TMEM178B: variants seen among roughly 807,000 people sequenced by gnomAD.
The protein encoded by TMEM178B is transmembrane protein 178B.
In TMEM178B, 5 loss-of-function variants were observed where a neutral mutation model predicts 31.0. That is an observed-to-expected ratio of 0.16 (90% CI 0.08 to 0.34). The LOEUF is 0.34. Ranked by LOEUF, TMEM178B falls within the 10% of genes least tolerant of loss-of-function variation. The pLI is 1.00. For synonymous variants in TMEM178B, 164 were observed against 164.0 expected (o/e 1.00, Z 0.00); for missense variants, 275 against 400.3 (o/e 0.69, Z 2.67).
chr7:141,476,339 T>C lies in TMEM178B; in HGVS notation c.*5553T>C, dbSNP rs1366072929. 5.3e-5 allele frequency: 8 copies of C among 152,214 alleles called. No individual in the cohort carries two copies. Among genetic ancestry groups the C allele is most frequent in the African/African-American group, 1.9e-4 (8 of 41,456 alleles). The allele number at this position is 152,214 out of a possible 1,614,324, so 9.4% of individuals were successfully genotyped here. The stretch of plus-strand genomic sequence containing the variant: ...CAAAGGGCACTTTTATCCATCTCAG[T>C]TATTCCCAGAGGTGACAGAATGAGT... On this transcript the variant is annotated 3_prime_UTR_variant, in exon 4 of 4. Transcript: ENST00000565468.
chr7:141,261,425 C>A (rs1798010418), intron 2 of TMEM178B, among the ~76,000 whole-genome samples: 1 of 151,928 alleles, frequency 6.6e-6, no homozygotes, highest in Admixed American at 6.6e-5. Context: ...CCTTTGTCTG[C>A]AGGAAACGCT....
chr7:141,077,052 T>A (rs989508675), intron 1 of TMEM178B, among the ~76,000 whole-genome samples: 2 of 152,380 alleles, frequency 1.3e-5, no homozygotes, highest in African/African-American at 4.8e-5. Context: ...AATAAGTGCA[T>A]GTTATATTAG....
intron 2 of TMEM178B, among the ~76,000 whole-genome samples, chr7:141,391,919 C>T (rs1307139310): frequency 6.6e-6 from 1 of 152,198 alleles, no homozygotes; most frequent in South Asian, 2.1e-4. Context: ...TTTGTTTATC[C>T]ATTCATCCGT....
chr7:141,075,619 A>G (rs1794589017), intron 1 of TMEM178B, among the ~76,000 whole-genome samples: 1 of 152,222 alleles, frequency 6.6e-6, no homozygotes, highest in South Asian at 2.1e-4. Context: ...GTGTATTAAA[A>G]CTGCTCTGAA....
chr7:141,218,721 C>G (rs901533744), intron 2 of TMEM178B, among the ~76,000 whole-genome samples: 1 of 152,152 alleles, frequency 6.6e-6, no homozygotes, highest in Non-Finnish European at 1.5e-5. Context: ...GGGTCCTGCC[C>G]TTGAACCCCA....
rs1344797006 is a variant in TMEM178B at position 141,474,077 on chromosome 7, C to T, written c.*3291C>T. 4 of 152,162 alleles carry T rather than the reference C, an allele frequency of 2.6e-5. No individual in the cohort carries two copies. The highest frequency in any genetic ancestry group is 5.9e-5 in the Non-Finnish European group (4 of 68,046). 9.4% of individuals were successfully genotyped at this position (152,162 alleles called of 1,614,324 possible). ...AAAGTCACCAGCCGCAACCCCAGGT[C>T]AAGTTCAAACTTCTTACTGGCATAT... On this transcript the variant is annotated 3_prime_UTR_variant, in exon 4 of 4. Coordinates refer to ENST00000565468, the MANE Select transcript of TMEM178B (RefSeq NM_001195278.2).
chr7:141,112,434 T>G (rs1293251515), intron 1 of TMEM178B, among the ~76,000 whole-genome samples: 1 of 152,080 alleles, frequency 6.6e-6, no homozygotes, highest in Non-Finnish European at 1.5e-5. Flanking sequence ...TTGTATTTTT[T>G]GCAGAGATGG....
At chr7:141,200,418 G>A (rs887924479) in intron 1 of TMEM178B, among the ~76,000 whole-genome samples, 6 of 151,824 alleles carry the variant, frequency 4.0e-5, no homozygotes, top group South Asian at 2.1e-4. Context: ...TCCTGGTTGC[G>A]GGGGGAGACA....
At chr7:141,244,504 T>A (rs949042085) in intron 2 of TMEM178B, among the ~76,000 whole-genome samples, 1 of 152,202 alleles carries the variant, frequency 6.6e-6, no homozygotes, top group African/African-American at 2.4e-5. Flanking sequence ...AAGATACACA[T>A]GTGAGTAATT....
chr7:141,359,452 T>G (rs1372617264), intron 2 of TMEM178B, among the ~76,000 whole-genome samples: 2 of 152,244 alleles, frequency 1.3e-5, no homozygotes, highest in Non-Finnish European at 2.9e-5. Flanking sequence ...CAATCTCTCC[T>G]AATTGACCCA....
chr7:141,287,522 A>G (rs1466427899), intron 2 of TMEM178B, among the ~76,000 whole-genome samples: 2 of 152,066 alleles, frequency 1.3e-5, no homozygotes, highest in South Asian at 2.1e-4. Context: ...CAATTTATGA[A>G]CCCCAGTGGC....
At position 141,422,598 on chromosome 7, in the gene TMEM178B, CTCT is replaced by C. The variant is rs758830246; in HGVS notation, c.497-15009_497-15007del. Reference sequence around the variant, plus strand: ...GTTGCCAGAGGCAGCATGAAACAGCCTCTGGCCTCATTGTTTCAGGCCACAGCT... The same window carrying C: ...GTTGCCAGAGGCAGCATGAAACAGCCGGCCTCATTGTTTCAGGCCACAGCT... On this transcript the variant is annotated intron_variant, in intron 2 of 3. Transcript: ENST00000565468. The surrounding 1 kb of genome is among the most constrained non-coding windows in gnomAD (Gnocchi z 4.2). Among the ~76,000 whole-genome samples, 29,270 of 151,862 alleles carry C rather than the reference CTCT, an allele frequency of 0.19. 3,115 individuals are homozygous for C. Among genetic ancestry groups the C allele is most frequent in the South Asian group, 0.39 (1,889 of 4,816 alleles).
chr7:141,378,798 G>A (rs1800262931), intron 2 of TMEM178B, among the ~76,000 whole-genome samples: 1 of 152,192 alleles, frequency 6.6e-6, no homozygotes, highest in African/African-American at 2.4e-5. Flanking sequence ...GCAAGAAAAA[G>A]GAAAGGATGG....
intron 2 of TMEM178B, among the ~76,000 whole-genome samples, chr7:141,237,542 C>T (rs1797547006): frequency 6.6e-6 from 1 of 151,934 alleles, no homozygotes; most frequent in Admixed American, 6.6e-5. Context: ...ATAATATATA[C>T]ACATATACAT....
intron 1 of TMEM178B, among the ~76,000 whole-genome samples, chr7:141,195,542 CA>C (rs1174572585): frequency 1.3e-5 from 2 of 152,202 alleles, no homozygotes; most frequent in Non-Finnish European, 1.5e-5. Context: ...GCATTTTGGG[CA>C]AAGCCATTCA....
At chr7:141,229,757 T>C (rs1563125233) in intron 2 of TMEM178B, among the ~76,000 whole-genome samples, 1 of 151,700 alleles carries the variant, frequency 6.6e-6, no homozygotes, top group Non-Finnish European at 1.5e-5. Flanking sequence ...ACCCTGTCTC[T>C]ACGAAAAATT....
At chr7:141,349,183 T>C (rs566429020) in intron 2 of TMEM178B, among the ~76,000 whole-genome samples, 1 of 152,360 alleles carries the variant, frequency 6.6e-6, no homozygotes, top group South Asian at 2.1e-4. Context: ...TTTAAAGTAT[T>C]CTATTTCTGA....
intron 2 of TMEM178B, among the ~76,000 whole-genome samples, chr7:141,328,293 C>G (rs1455279885): frequency 1.3e-5 from 2 of 152,160 alleles, no homozygotes; most frequent in Non-Finnish European, 2.9e-5. Flanking sequence ...CTATCCAATA[C>G]CTTTTTTAAT....
At chr7:141,135,320 C>T (rs982473215) in intron 1 of TMEM178B, among the ~76,000 whole-genome samples, 2 of 152,178 alleles carry the variant, frequency 1.3e-5, no homozygotes, top group African/African-American at 4.8e-5. Context: ...TTGGATAGAT[C>T]ATCTAGACAG....
Sources: gnomAD v4.1 joint callset for allele counts (sites outside exome capture counted in the v4.1 genomes callset) on GRCh38, gnomAD v4.1.1 for gene constraint, Gnocchi (gnomAD v3.1) non-coding constraint, MANE v1.5 for transcripts, NCBI Gene and HGNC (gene_info 2026-07-23, HGNC 2026-07-21) for gene names.